Variants in XXYLT1 observed in about 807,000 individuals in gnomAD.
XXYLT1 encodes the protein xyloside xylosyltransferase 1.
XXYLT1 carries 20 observed loss-of-function variants against 28.9 expected under a neutral mutation model. The ratio of observed to expected loss-of-function variants is 0.69; its 90% confidence interval spans 0.49 to 1.00. The LOEUF is 1.00. Among genes scored for constraint, XXYLT1 ranks in the 50% least tolerant of loss-of-function variants. The probability of loss-of-function intolerance (pLI) is 0.00; values close to 1 mark genes in which losing one functional copy is unlikely to be tolerated. For missense variants in XXYLT1, 542 were observed against 560.1 expected (o/e 0.97, Z 0.33); for synonymous variants, 257 against 253.8 (o/e 1.01, Z -0.12).
chr3:195,204,741 T>C (rs1378388651), intron 2 of XXYLT1, among the ~76,000 whole-genome samples: 1 of 152,200 alleles, frequency 6.6e-6, no homozygotes, highest in Non-Finnish European at 1.5e-5. Context: ...GCTTGACCTG[T>C]GGCAACCCTC....
At chr3:195,083,979 T>A (rs1389241976) in intron 3 of XXYLT1, among the ~76,000 whole-genome samples, 1 of 151,978 alleles carries the variant, frequency 6.6e-6, no homozygotes, top group Non-Finnish European at 1.5e-5. Flanking sequence ...CGAGCCGAGA[T>A]TGCACCACGG....
chr3:195,184,244 C>A (rs934322004), intron 2 of XXYLT1, among the ~76,000 whole-genome samples: 1 of 152,190 alleles, frequency 6.6e-6, no homozygotes. Flanking sequence ...GAACAATGGA[C>A]AAGCTTGGCA....
At chr3:195,267,210 C>G (rs142005576) in intron 1 of XXYLT1, among the ~76,000 whole-genome samples, 1 of 152,364 alleles carries the variant, frequency 6.6e-6, no homozygotes, top group East Asian at 1.9e-4. Flanking sequence ...TGTGGCCCTG[C>G]TCTGCATCTT....
intron 3 of XXYLT1, chr3:195,152,337 C>T (rs1270886755): frequency 6.6e-6 from 1 of 152,572 alleles, no homozygotes; most frequent in Non-Finnish European, 1.5e-5. Flanking sequence ...GATGAAGAGA[C>T]AGAGAAAAGG....
At chr3:195,201,342 G>A (rs149400468) in intron 2 of XXYLT1, among the ~76,000 whole-genome samples, 1 of 152,310 alleles carries the variant, frequency 6.6e-6, no homozygotes, top group East Asian at 1.9e-4. Flanking sequence ...GGGGTCCCCA[G>A]CACACACTTT....
At chr3:195,159,913 G>A (rs1577093301) in intron 2 of XXYLT1, among the ~76,000 whole-genome samples, 1 of 152,118 alleles carries the variant, frequency 6.6e-6, no homozygotes, top group Non-Finnish European at 1.5e-5. Flanking sequence ...CTTCTGAGCT[G>A]GACGTTTCTC....
At chr3:195,088,207 T>A (rs1316254821) in intron 3 of XXYLT1, among the ~76,000 whole-genome samples, 2 of 151,522 alleles carry the variant, frequency 1.3e-5, no homozygotes, top group African/African-American at 2.4e-5. Context: ...CCTGCCTGCC[T>A]CTGTAGGCTC....
Position 195,270,878 on chromosome 3 carries a change from C to T in XXYLT1, c.181G>A (p.Gly61Arg), listed in dbSNP as rs1442554266. ...GGCGGCGAGGGCGCGGCGGGAGCCC[C>T]GGCGCGGGCCTCCTTCAGCCTCTTG... Reference protein sequence around the residue: ...ATKRLKEARAGAPAAPSPPAL... With the variant: ...ATKRLKEARARAPAAPSPPAL... Residue 61 changes from glycine to arginine, a missense_variant, in exon 1 of 4, where the codon GGG becomes AGG. By Grantham distance (125) the Gly-to-Arg change is moderately radical. Coordinates refer to ENST00000310380, the MANE Select transcript of XXYLT1 (RefSeq NM_152531.5). 1.3e-5 allele frequency: 18 copies of T among 1,410,956 alleles called. No homozygotes were observed. Among genetic ancestry groups the T allele is most frequent in the Non-Finnish European group, 1.7e-5 (18 of 1,085,908 alleles). 87.4% of individuals were successfully genotyped at this position (1,410,956 alleles called of 1,614,324 possible).
rs1317267806 is a variant in XXYLT1, at chr3:195,210,785, CAT to C, written c.652+15922_652+15923del. On this transcript the variant is annotated intron_variant, in intron 2 of 3. Transcript: ENST00000310380. This position sits in a 1 kb window ranked among gnomAD's most constrained non-coding sequence, Gnocchi z 4.8. ...TAGTTTTCACTGAAATCACTGGACA[CAT>C]GTTTATACCCTTTGTTCAGTATTTG... Among the ~76,000 whole-genome samples, 20 of 152,220 alleles carry C rather than the reference CAT, an allele frequency of 1.3e-4. No individual in the cohort carries two copies. The highest frequency in any genetic ancestry group is 8.5e-4 in the Admixed American group (13 of 15,280).
intron 1 of XXYLT1, among the ~76,000 whole-genome samples, chr3:195,238,979 C>G (rs1426045119): frequency 6.6e-6 from 1 of 152,190 alleles, no homozygotes; most frequent in African/African-American, 2.4e-5. Flanking sequence ...CCAGCTCACT[C>G]CCTACTGGCC....
intron 2 of XXYLT1, among the ~76,000 whole-genome samples, chr3:195,171,365 T>C (rs1021004155): frequency 1.3e-5 from 2 of 152,348 alleles, no homozygotes; most frequent in Middle Eastern, 3.4e-3. Flanking sequence ...GGTGTATTTG[T>C]TGAGTCAGTC....
intron 2 of XXYLT1, among the ~76,000 whole-genome samples, chr3:195,177,632 A>C (rs538184997): frequency 6.6e-6 from 1 of 152,094 alleles, no homozygotes; most frequent in Non-Finnish European, 1.5e-5. Context: ...TAGCCTCAAA[A>C]AATGGGGAGA....
intron 2 of XXYLT1, among the ~76,000 whole-genome samples, chr3:195,214,119 T>C (rs1015994464): frequency 1.3e-5 from 2 of 152,148 alleles, no homozygotes; most frequent in Non-Finnish European, 2.9e-5. Flanking sequence ...CCAGCCCCGT[T>C]TGCCTGAGGG....
chr3:195,270,881 C>G lies in XXYLT1; in HGVS notation c.178G>C (p.Ala60Pro). 7.0e-7 allele frequency: 1 copy of G among 1,423,174 alleles called. No homozygotes were observed. Among genetic ancestry groups the G allele is most frequent in the African/African-American group, 1.5e-5 (1 of 66,014 alleles). 88.2% of individuals were successfully genotyped at this position (1,423,174 alleles called of 1,614,324 possible). A position where few individuals can be genotyped will look rare whatever the true frequency, so the allele number is the denominator to read the frequency against. ...SATKRLKEAR[A>P]GAPAAPSPPA... ...GGCGAGGGCGCGGCGGGAGCCCCGGCGCGGGCCTCCTTCAGCCTCTTGGTG... is the reference window on the plus strand; with the variant it reads ...GGCGAGGGCGCGGCGGGAGCCCCGGGGCGGGCCTCCTTCAGCCTCTTGGTG... The change falls in exon 1 of 4, where the codon GCC becomes CCC. Residue 60 changes from alanine to proline, a missense_variant. Ala to Pro is a conservative substitution (Grantham distance 27, BLOSUM62 -1). Transcript: ENST00000310380.
chr3:195,180,585 T>C lies in XXYLT1; in HGVS notation c.653-24004A>G. The C allele has an allele frequency of 1.0e-6, 1 of 983,554 alleles. No homozygotes were observed. The highest frequency in any genetic ancestry group is 1.2e-6 in the Non-Finnish European group (1 of 828,264). 60.9% of individuals were successfully genotyped at this position (983,554 alleles called of 1,614,324 possible). On this transcript the variant is annotated intron_variant, in intron 2 of 3. Coordinates refer to ENST00000310380, the MANE Select transcript of XXYLT1 (RefSeq NM_152531.5). The surrounding 1 kb of genome is among the most constrained non-coding windows in gnomAD (Gnocchi z 5.8). ...CAGACCCTAAGGCCCTTCCCAGCCC[T>C]CTCCAGAGCGTGATGTGGCCCCGTC... is the stretch of plus-strand genomic sequence containing the variant.
chr3:195,218,089 G>T (rs969623658), intron 2 of XXYLT1, among the ~76,000 whole-genome samples: 2 of 149,086 alleles, frequency 1.3e-5, no homozygotes, highest in Non-Finnish European at 2.9e-5. Flanking sequence ...AATAAATGGT[G>T]CTGGGAAAAC....
chr3:195,234,421 C>T (rs1278342147), intron 1 of XXYLT1, among the ~76,000 whole-genome samples: 2 of 143,408 alleles, frequency 1.4e-5, no homozygotes, highest in African/African-American at 2.6e-5. Flanking sequence ...CAGATTAAAG[C>T]GATTGTCCTG....
At chr3:195,143,150 T>C (rs572682279) in intron 3 of XXYLT1, among the ~76,000 whole-genome samples, 1 of 152,294 alleles carries the variant, frequency 6.6e-6, no homozygotes, top group East Asian at 1.9e-4. Flanking sequence ...CAATTACCAA[T>C]AAAAATCAGC....
chr3:195,164,147 GA>G (rs1721001691), intron 2 of XXYLT1, among the ~76,000 whole-genome samples: 1 of 152,372 alleles, frequency 6.6e-6, no homozygotes, highest in African/African-American at 2.4e-5. Flanking sequence ...TACTCCCACA[GA>G]AGGCAAGAAG....
Sources: allele counts gnomAD v4.1 joint callset (sites outside exome capture counted in the v4.1 genomes callset), GRCh38; gene constraint gnomAD v4.1.1; non-coding constraint Gnocchi (gnomAD v3.1); transcripts MANE v1.5; gene names NCBI Gene and HGNC (gene_info 2026-07-23, HGNC 2026-07-21).